The following SLC14A2 variants were observed in gnomAD, a reference collection of about 807,000 sequenced individuals.
SLC14A2 encodes the protein solute carrier family 14 member 2.
A neutral mutation model predicts 104.6 loss-of-function variants in SLC14A2; 91 were observed. That is an observed-to-expected ratio of 0.87 (90% CI 0.73 to 1.04). The LOEUF (loss-of-function observed/expected upper bound fraction) is 1.04. Among genes scored for constraint, SLC14A2 ranks in the 50% least tolerant of loss-of-function variants. The pLI, the probability that SLC14A2 is intolerant of heterozygous loss-of-function variation, is 0.00. For synonymous variants in SLC14A2, 476 were observed against 466.4 expected, an observed-to-expected ratio of 1.02 and a Z score of -0.27; for missense variants, 1,189 against 1,156.0, an observed-to-expected ratio of 1.03 and a Z score of -0.41.
the SLC14A2 span, among the ~76,000 whole-genome samples, chr18:45,198,964 G>T: frequency 6.6e-6 from 1 of 151,922 alleles, no homozygotes; most frequent in Non-Finnish European, 1.5e-5. Context: ...ACTTCTTCTG[G>T]ATTTAATTTT....
the SLC14A2 span, among the ~76,000 whole-genome samples, chr18:45,201,113 G>C: frequency 2.0e-5 from 3 of 151,884 alleles, no homozygotes; most frequent in Admixed American, 6.6e-5. Context: ...TGAGTAGAGT[G>C]GTGTTATGGT....
chr18:45,602,577 G>A (rs1733417679), intron 2 of SLC14A2, among the ~76,000 whole-genome samples: 1 of 152,208 alleles, frequency 6.6e-6, no homozygotes, highest in Non-Finnish European at 1.5e-5. Flanking sequence ...CACTTCAGCT[G>A]CTCTACCCTC....
At chr18:45,641,055 C>T (rs375901780) in intron 7 of SLC14A2, among the ~76,000 whole-genome samples, 154 bp from the exon 8 acceptor site, 4 of 152,238 alleles carry the variant, frequency 2.6e-5, no homozygotes, top group Non-Finnish European at 2.9e-5. Flanking sequence ...CTCCTAAGAC[C>T]GGATGCCATT....
At chr18:45,344,819 A>G (rs896274171) in intron 1 of SLC14A2, among the ~76,000 whole-genome samples, 3 of 152,220 alleles carry the variant, frequency 2.0e-5, no homozygotes, top group Non-Finnish European at 2.9e-5. Flanking sequence ...ATGACCCGTC[A>G]CGTAAACCAG....
At chr18:45,500,484 G>A (rs1452522089) in intron 2 of SLC14A2, among the ~76,000 whole-genome samples, 46 of 151,742 alleles carry the variant, frequency 3.0e-4, no homozygotes, top group Admixed American at 2.6e-3. Flanking sequence ...GGCTGAGGCA[G>A]GAGAATGGCG....
intron 1 of SLC14A2, among the ~76,000 whole-genome samples, chr18:45,448,332 C>T (rs1421199): frequency 0.26 from 38,996 of 151,950 alleles, 5,310 homozygotes; most frequent in South Asian, 0.48. Context: ...ATTAAGATGC[C>T]TATATAATTC....
chr18:45,467,582 C>T (rs533174669), intron 1 of SLC14A2, among the ~76,000 whole-genome samples: 9 of 152,124 alleles, frequency 5.9e-5, no homozygotes, highest in Admixed American at 2.0e-4. Flanking sequence ...GGCTGGGTTA[C>T]CTTGTCCCCT....
chr18:45,468,856 T>TC (rs1376509815), intron 1 of SLC14A2, among the ~76,000 whole-genome samples: 2 of 152,214 alleles, frequency 1.3e-5, no homozygotes, highest in East Asian at 3.8e-4. Flanking sequence ...CGACCCCTTG[T>TC]AAGATATCAA....
intron 1 of SLC14A2, among the ~76,000 whole-genome samples, chr18:45,394,881 A>G (rs1010223764): frequency 6.6e-6 from 1 of 152,114 alleles, no homozygotes; most frequent in South Asian, 2.1e-4. Flanking sequence ...GGAATGTAAA[A>G]TGGTGCGGTC....
At chr18:45,366,286 A>G (rs1445070806) in intron 1 of SLC14A2, among the ~76,000 whole-genome samples, 10 of 152,076 alleles carry the variant, frequency 6.6e-5, no homozygotes, top group Admixed American at 6.5e-4. Context: ...AACTTCACCC[A>G]GGGGCTTCCT....
the SLC14A2 span, among the ~76,000 whole-genome samples, chr18:45,206,568 T>C: frequency 6.6e-6 from 1 of 152,218 alleles, no homozygotes; most frequent in Non-Finnish European, 1.5e-5. Flanking sequence ...TATGATTATA[T>C]TTTTGTATGC....
intron 1 of SLC14A2, among the ~76,000 whole-genome samples, chr18:45,288,864 C>T (rs1019931464): frequency 6.6e-6 from 1 of 152,222 alleles, no homozygotes; most frequent in Non-Finnish European, 1.5e-5. Context: ...TGTCCCTAAT[C>T]CTACTTGTAG....
chr18:45,587,069 G>C (rs1250378176), intron 2 of SLC14A2, among the ~76,000 whole-genome samples: 1 of 152,052 alleles, frequency 6.6e-6, no homozygotes, highest in African/African-American at 2.4e-5. Context: ...CTCACTCTCA[G>C]GTTCAAGCGA....
At chr18:45,281,388 C>T in intron 1 of SLC14A2, among the ~76,000 whole-genome samples, 1 of 152,200 alleles carries the variant, frequency 6.6e-6, no homozygotes, top group East Asian at 1.9e-4. Flanking sequence ...CCATCACTGC[C>T]ATAAGCACCA....
intron 2 of SLC14A2, among the ~76,000 whole-genome samples, chr18:45,539,959 TGAAACAGG>T (rs2043860370): frequency 6.6e-6 from 1 of 152,086 alleles, no homozygotes; most frequent in African/African-American, 2.4e-5. Flanking sequence ...ATACTGTATG[TGAAACAGG>T]GAATGTCAAA....
intron 1 of SLC14A2, among the ~76,000 whole-genome samples, chr18:45,282,368 G>T (rs538083941): frequency 6.6e-6 from 1 of 152,262 alleles, no homozygotes; most frequent in South Asian, 2.1e-4. Context: ...CTCAAGCCTG[G>T]AGTTATTCTA....
chr18:45,585,403 C>A (rs531132695), intron 2 of SLC14A2, among the ~76,000 whole-genome samples: 29 of 152,182 alleles, frequency 1.9e-4, no homozygotes, highest in Middle Eastern at 3.4e-3. Flanking sequence ...AGTTTTTTAA[C>A]CTAGTATATT....
intron 19 of SLC14A2, 135 bp downstream of exon 19, chr18:45,679,159 T>A (rs16978445): frequency 0.012 from 9,556 of 787,054 alleles, 161 homozygotes; most frequent in African/African-American, 0.062. Flanking sequence ...GTCACACTAC[T>A]CACTTCAGCA....
chr18:45,222,037 G>A (rs1469054363), intron 1 of SLC14A2, among the ~76,000 whole-genome samples: 2 of 152,148 alleles, frequency 1.3e-5, no homozygotes, highest in Non-Finnish European at 2.9e-5. Flanking sequence ...AAGATACAAA[G>A]AGAGAAGATG....
Sources: gnomAD v4.1 joint callset for allele counts (sites outside exome capture counted in the v4.1 genomes callset) on GRCh38, gnomAD v4.1.1 for gene constraint, MANE v1.5 for transcripts, NCBI Gene and HGNC (gene_info 2026-07-23, HGNC 2026-07-21) for gene names.